Variants in PDCD10 observed in about 807,000 individuals in gnomAD.
The protein encoded by PDCD10 is programmed cell death protein 10.
A neutral mutation model predicts 29.2 loss-of-function variants in PDCD10; 4 were observed. That is an observed-to-expected ratio of 0.14 (90% CI 0.07 to 0.31). The LOEUF (loss-of-function observed/expected upper bound fraction) is 0.31. Among genes scored for constraint, PDCD10 ranks in the 10% least tolerant of loss-of-function variants. The probability of loss-of-function intolerance (pLI) is 1.00; values close to 1 mark genes in which losing one functional copy is unlikely to be tolerated. For missense variants in PDCD10, 183 were observed against 257.9 expected, an observed-to-expected ratio of 0.71 and a Z score of 1.99; for synonymous variants, 70 against 82.2, an observed-to-expected ratio of 0.85 and a Z score of 0.80.
chr3:167,720,435 T>C (rs1449284837), intron 2 of PDCD10, among the ~76,000 whole-genome samples, 162 bp from the exon 3 acceptor site: 1 of 152,118 alleles, frequency 6.6e-6, no homozygotes, highest in African/African-American at 2.4e-5. Context: ...AAACTTACCT[T>C]TTCCTCCAAA....
intron 2 of PDCD10, among the ~76,000 whole-genome samples, chr3:167,720,637 A>C (rs1315781622): frequency 1.3e-5 from 2 of 152,104 alleles, no homozygotes; most frequent in Admixed American, 1.3e-4. Context: ...TTTATACATA[A>C]TATAAAATTA....
chr3:167,692,972 G>C (rs1478498367), intron 6 of PDCD10, among the ~76,000 whole-genome samples: 1 of 152,182 alleles, frequency 6.6e-6, no homozygotes, highest in Non-Finnish European at 1.5e-5. Context: ...TTTGTCCCTT[G>C]TGACACAGAT....
intron 6 of PDCD10, among the ~76,000 whole-genome samples, chr3:167,691,716 T>C (rs749914174): frequency 3.3e-5 from 5 of 152,224 alleles, no homozygotes; most frequent in Non-Finnish European, 7.3e-5. Flanking sequence ...CTTTTTCACA[T>C]TTCTTTCAAA....
At chr3:167,710,629 T>G (rs1406610696) in intron 3 of PDCD10, among the ~76,000 whole-genome samples, 1 of 152,200 alleles carries the variant, frequency 6.6e-6, no homozygotes, top group Admixed American at 6.5e-5. Context: ...GGGGAAATTA[T>G]CATACTGAAG....
intron 3 of PDCD10, among the ~76,000 whole-genome samples, chr3:167,716,915 T>C (rs1320341233): frequency 6.6e-6 from 1 of 152,030 alleles, no homozygotes; most frequent in Non-Finnish European, 1.5e-5. Flanking sequence ...GCCTTATTTT[T>C]TCCTGGAATC....
At chr3:167,693,833 G>A (rs115577124) in intron 6 of PDCD10, among the ~76,000 whole-genome samples, 2,036 of 152,052 alleles carry the variant, frequency 0.013, 41 homozygotes, top group African/African-American at 0.047. Flanking sequence ...TTGTACACCA[G>A]TAGTCCTAGC....
At chr3:167,716,455 G>A (rs565868349) in intron 3 of PDCD10, among the ~76,000 whole-genome samples, 1 of 151,868 alleles carries the variant, frequency 6.6e-6, no homozygotes, top group Admixed American at 6.6e-5. Context: ...TGAGGGGATG[G>A]ATAACCCATT....
chr3:167,700,320 C>T (rs1721261973), intron 4 of PDCD10, among the ~76,000 whole-genome samples: 1 of 152,158 alleles, frequency 6.6e-6, no homozygotes, highest in Non-Finnish European at 1.5e-5. Context: ...ATATTTTTCT[C>T]ATCGTGTTTA....
In PDCD10 at chr3:167,708,457, T is replaced by C. The variant is rs559862108; in HGVS notation, c.97-3562A>G. 2.0e-5 allele frequency among the ~76,000 whole-genome samples: 3 copies of C among 152,306 alleles called. No individual in the cohort carries two copies. The South Asian group carries it at 6.2e-4, about 32-fold the overall frequency. On this transcript the variant is annotated intron_variant, in intron 3 of 8. Transcript: ENST00000392750. ...TCCTCAAAATCAGGCAAGATTTGATTTTTCCATGTTCACGCCCCTCTCCCT... is the reference window on the plus strand; with the variant it reads ...TCCTCAAAATCAGGCAAGATTTGATCTTTCCATGTTCACGCCCCTCTCCCT...
chr3:167,728,609 A>G (rs1303846499), intron 2 of PDCD10, among the ~76,000 whole-genome samples: 2 of 152,228 alleles, frequency 1.3e-5, no homozygotes, highest in Non-Finnish European at 2.9e-5. Flanking sequence ...ACATGGAAGT[A>G]CTTAGTATAT....
At chr3:167,689,284 AG>A (rs1719965148) in intron 6 of PDCD10, among the ~76,000 whole-genome samples, 1 of 152,212 alleles carries the variant, frequency 6.6e-6, no homozygotes, top group Admixed American at 6.5e-5. Context: ...CTATTCTGTG[AG>A]AAAAATTACA....
At chr3:167,732,150 C>G (rs769400351) in intron 2 of PDCD10, among the ~76,000 whole-genome samples, 3 of 152,138 alleles carry the variant, frequency 2.0e-5, no homozygotes, top group Non-Finnish European at 4.4e-5. Flanking sequence ...GGAACTAAGT[C>G]TTTACTCCAA....
At chr3:167,687,899 A>G (rs1314704911) in intron 6 of PDCD10, among the ~76,000 whole-genome samples, 1 of 152,154 alleles carries the variant, frequency 6.6e-6, no homozygotes, top group African/African-American at 2.4e-5. Flanking sequence ...ACCCCTCTGT[A>G]ATCCTGATTC....
chr3:167,716,589 T>C (rs967554382), intron 3 of PDCD10, among the ~76,000 whole-genome samples: 16 of 151,612 alleles, frequency 1.1e-4, no homozygotes, highest in African/African-American at 3.6e-4. Context: ...AAAAATAAGA[T>C]TTTATCTTCT....
Position 167,720,291 on chromosome 3 carries a change from A to G in PDCD10, c.-116-18T>C. The G allele has an allele frequency of 1.5e-6, 1 of 673,376 alleles. No homozygotes were observed. Among genetic ancestry groups the G allele is most frequent in the Admixed American group, 2.2e-5 (1 of 44,840 alleles). 41.7% of individuals were successfully genotyped at this position (673,376 alleles called of 1,614,324 possible). A position where few individuals can be genotyped will look rare whatever the true frequency, so the allele number is the denominator to read the frequency against. On this transcript the variant is annotated intron_variant, in intron 2 of 8. Transcript: ENST00000392750. ...ACACTGATCTGGTGAAAGAGGAAGA[A>G]AGAACAGAGACTTACTATATTAAGG... is the stretch of plus-strand genomic sequence containing the variant.
At chr3:167,690,108 C>A (rs16851407) in intron 6 of PDCD10, among the ~76,000 whole-genome samples, 41,962 of 151,972 alleles carry the variant, frequency 0.28, 6,438 homozygotes, top group African/African-American at 0.41. Flanking sequence ...CGGCTTGGTG[C>A]AGATGAATTC....
At chr3:167,687,716 T>C (rs765993541) in intron 6 of PDCD10, 23 bp from the exon 7 acceptor site, 4 of 1,259,662 alleles carry the variant, frequency 3.2e-6, no homozygotes, top group Non-Finnish European at 4.7e-6. Context: ...GAATAAAGAA[T>C]ATCAGCTACA....
At chr3:167,714,473 G>C (rs1388323118) in intron 3 of PDCD10, among the ~76,000 whole-genome samples, 1 of 151,954 alleles carries the variant, frequency 6.6e-6, no homozygotes, top group Non-Finnish European at 1.5e-5. Flanking sequence ...GAAATAAAAG[G>C]CATCCAAATT....
chr3:167,728,662 C>T (rs1175909297), intron 2 of PDCD10, among the ~76,000 whole-genome samples: 3 of 152,282 alleles, frequency 2.0e-5, no homozygotes, highest in Middle Eastern at 6.8e-3. Flanking sequence ...CAACCCTTTC[C>T]CCTTGTATCT....
Sources: allele counts gnomAD v4.1 joint callset (sites outside exome capture counted in the v4.1 genomes callset), GRCh38; gene constraint gnomAD v4.1.1; transcripts MANE v1.5; gene names NCBI Gene and HGNC (gene_info 2026-07-23, HGNC 2026-07-21).